The following R3HCC1L variants were observed in gnomAD, a reference collection of about 807,000 sequenced individuals.
R3HCC1L encodes the protein R3H domain and coiled-coil containing 1 like.
R3HCC1L carries 51 observed loss-of-function variants against 59.9 expected under a neutral mutation model. That is an observed-to-expected ratio of 0.85 (90% CI 0.68 to 1.07). R3HCC1L has a LOEUF of 1.07. Ranked by LOEUF, R3HCC1L falls within the 50% of genes least tolerant of loss-of-function variation. The pLI is 0.00. For missense variants in R3HCC1L, 965 were observed against 933.0 expected, an observed-to-expected ratio of 1.03 and a Z score of -0.45; for synonymous variants, 322 against 315.2, an observed-to-expected ratio of 1.02 and a Z score of -0.23.
chr10:98,208,977 G>A lies in R3HCC1L; in HGVS notation c.863G>A (p.Ser288Asn), dbSNP rs2135265315. ...DQTCVDFEVESVGGIANSTGF... is the reference protein window; with the variant it reads ...DQTCVDFEVENVGGIANSTGF... ...ACTTGCGTAGATTTTGAAGTTGAGA[G>A]TGTAGGTGGTATAGCCAATAGTACA... The change falls in exon 5 of 10, where the codon AGT (serine) becomes AAT (asparagine). Residue 288 changes from serine (S) to asparagine (N), a missense_variant. Coordinates refer to ENST00000298999, the MANE Select transcript of R3HCC1L (RefSeq NM_001351015.2). 6.2e-7 allele frequency: 1 copy of A among 1,614,042 alleles called. No homozygotes were observed. The highest frequency in any genetic ancestry group is 1.3e-5 in the African/African-American group (1 of 75,044).
In R3HCC1L at chr10:98,208,347, A is replaced by C. The variant is rs1290988275; in HGVS notation, c.233A>C (p.Lys78Thr). Residue 78 changes from lysine to threonine, a missense_variant, in exon 5 of 10, where the codon AAG (lysine) becomes ACG (threonine). Lys to Thr is a moderately conservative substitution (Grantham distance 78). Coordinates refer to ENST00000298999, the MANE Select transcript of R3HCC1L (RefSeq NM_001351015.2). The part of the protein sequence containing the change: ...ARRLNINPDR[K>T]EHNCREEKKS... ...AGACTAAATATCAATCCTGATAGAA[A>C]GGAGCATAATTGTAGAGAAGAAAAG... 2.5e-6 allele frequency: 4 copies of C among 1,614,096 alleles called. No homozygotes were observed. The highest frequency in any genetic ancestry group is 3.4e-6 in the Non-Finnish European group (4 of 1,180,044).
At chr10:98,176,667 C>T (rs1849054557) in intron 4 of R3HCC1L, among the ~76,000 whole-genome samples, 1 of 152,128 alleles carries the variant, frequency 6.6e-6, no homozygotes, top group Admixed American at 6.6e-5. Flanking sequence ...AGTATTACTT[C>T]TTTCTTCCAA....
In R3HCC1L at chr10:98,209,761, A is replaced by ATC; in HGVS notation, c.1648_1649dup (p.Ser551HisfsTer120). 2 of 1,613,854 alleles carry ATC rather than the reference A, an allele frequency of 1.2e-6. No individual in the cohort carries two copies. Among genetic ancestry groups the ATC allele is most frequent in the Non-Finnish European group, 1.7e-6 (2 of 1,179,786 alleles). On this transcript the variant is annotated frameshift_variant, in exon 5 of 10. Transcript: ENST00000298999. LOFTEE classifies it high-confidence loss of function. ...TTGGTGTATCTTTTCCTGATAGGGAATCATCATCTATGGAAACATCCATCG... is the reference window on the plus strand; with the variant it reads ...TTGGTGTATCTTTTCCTGATAGGGAATCTCATCATCTATGGAAACATCCATCG...
chr10:98,240,422 C>T (rs894795669), intron 9 of R3HCC1L, among the ~76,000 whole-genome samples: 2 of 152,200 alleles, frequency 1.3e-5, no homozygotes, highest in African/African-American at 4.8e-5. Flanking sequence ...ATCGTTACCT[C>T]TCAGAATAAG....
At chr10:98,148,242 G>A (rs1311662454) in intron 1 of R3HCC1L, among the ~76,000 whole-genome samples, 2 of 151,964 alleles carry the variant, frequency 1.3e-5, no homozygotes, top group Non-Finnish European at 1.5e-5. Context: ...GTTGATTTTT[G>A]TGTCCTACAA....
At chr10:98,200,191 G>C (rs979565452) in intron 4 of R3HCC1L, among the ~76,000 whole-genome samples, 7 of 152,134 alleles carry the variant, frequency 4.6e-5, no homozygotes, top group African/African-American at 1.7e-4. Context: ...ATGAAATCCT[G>C]CATTCTTTTG....
At position 98,208,877 on chromosome 10, in the gene R3HCC1L, G is replaced by A. The variant is rs752154396; in HGVS notation, c.763G>A (p.Gly255Arg). The A allele has an allele frequency of 2.9e-5, 46 of 1,614,008 alleles. No individual in the cohort carries two copies. Among genetic ancestry groups the A allele is most frequent in the Admixed American group, 3.3e-5 (2 of 59,986 alleles). ...ACAACAAAGCATGCAAACATCAGAT[G>A]GAATATTGAATCCCAGCAGCGGAGG... is the stretch of plus-strand genomic sequence containing the variant. Reference protein sequence around the residue: ...IVQQSMQTSDGILNPSSGGIT... With the variant: ...IVQQSMQTSDRILNPSSGGIT... Residue 255 changes from glycine (G) to arginine (R), a missense_variant, in exon 5 of 10, where the codon GGA (glycine) becomes AGA (arginine). Gly to Arg is a moderately radical substitution (Grantham distance 125). Coordinates refer to ENST00000298999, the MANE Select transcript of R3HCC1L (RefSeq NM_001351015.2).
intron 6 of R3HCC1L, among the ~76,000 whole-genome samples, chr10:98,233,643 G>T (rs1856618881): frequency 6.6e-6 from 1 of 152,176 alleles, no homozygotes; most frequent in Non-Finnish European, 1.5e-5. Flanking sequence ...GCATTTTTAA[G>T]CTCTTAGCTG....
At chr10:98,232,929 G>A (rs1358529090) in intron 6 of R3HCC1L, among the ~76,000 whole-genome samples, 2 of 152,080 alleles carry the variant, frequency 1.3e-5, no homozygotes, top group Admixed American at 6.5e-5. Context: ...AACTTAATTC[G>A]GTGGGGAGCA....
At chr10:98,152,111 C>G (rs1459535888) in intron 1 of R3HCC1L, among the ~76,000 whole-genome samples, 1 of 152,222 alleles carries the variant, frequency 6.6e-6, no homozygotes, top group Non-Finnish European at 1.5e-5. Flanking sequence ...CGCCGCCACG[C>G]CTGACTGGTT....
intron 5 of R3HCC1L, among the ~76,000 whole-genome samples, chr10:98,225,956 T>C (rs886236206): frequency 6.6e-6 from 1 of 152,068 alleles, no homozygotes; most frequent in Non-Finnish European, 1.5e-5. Flanking sequence ...TCCTCCGGCC[T>C]CAGCACTCCC....
Position 98,200,591 on chromosome 10 carries a change from T to C in R3HCC1L, c.-14-7510T>C, listed in dbSNP as rs552792430. 5.9e-5 allele frequency among the ~76,000 whole-genome samples: 9 copies of C among 152,228 alleles called. No individual in the cohort carries two copies. The South Asian group carries it at 1.7e-3, about 28-fold the overall frequency. Reference sequence around the variant, plus strand: ...CTAAGGCTTAGAGCAATAACTTTTGTAGTATAGAATCTGGCCCATTGAAGA... The same window carrying C: ...CTAAGGCTTAGAGCAATAACTTTTGCAGTATAGAATCTGGCCCATTGAAGA... On this transcript the variant is annotated intron_variant, in intron 4 of 9. Coordinates refer to ENST00000298999, the MANE Select transcript of R3HCC1L (RefSeq NM_001351015.2).
Position 98,175,165 on chromosome 10 carries a change from C to T in R3HCC1L, c.-15+11768C>T, listed in dbSNP as rs116310011. 1.7e-3 allele frequency among the ~76,000 whole-genome samples: 262 copies of T among 152,138 alleles called. 2 individuals are homozygous for T. Among genetic ancestry groups the T allele is most frequent in the African/African-American group, 5.8e-3 (240 of 41,520 alleles). The stretch of plus-strand genomic sequence containing the variant: ...TGGCCTCAAGATTTAAGAAAGAAAC[C>T]GTCAGTCTTACAGATAACTTCATTA... On this transcript the variant is annotated intron_variant, in intron 4 of 9. Transcript: ENST00000298999.
intron 4 of R3HCC1L, among the ~76,000 whole-genome samples, chr10:98,177,873 G>A (rs1371878804): frequency 6.6e-6 from 1 of 151,974 alleles, no homozygotes; most frequent in Non-Finnish European, 1.5e-5. Context: ...CTTTTTGATG[G>A]GGTTGTTTGA....
intron 4 of R3HCC1L, among the ~76,000 whole-genome samples, chr10:98,196,304 G>A (rs985493405): frequency 2.0e-5 from 3 of 151,978 alleles, no homozygotes; most frequent in Non-Finnish European, 4.4e-5. Flanking sequence ...TTGCTTCCTA[G>A]ACTGTTCCAG....
intron 4 of R3HCC1L, among the ~76,000 whole-genome samples, chr10:98,182,577 C>A (rs1849749978): frequency 6.6e-6 from 1 of 152,190 alleles, no homozygotes; most frequent in Admixed American, 6.5e-5. Flanking sequence ...TCAGAGCTGT[C>A]AGACAGGAAC....
intron 4 of R3HCC1L, among the ~76,000 whole-genome samples, chr10:98,206,058 CTT>C (rs1852606422): frequency 6.6e-6 from 1 of 152,046 alleles, no homozygotes. Flanking sequence ...AATCTTGTCT[CTT>C]TTATAGAGCA....
intron 1 of R3HCC1L, among the ~76,000 whole-genome samples, chr10:98,139,288 C>T (rs1844893741): frequency 6.6e-6 from 1 of 152,214 alleles, no homozygotes; most frequent in Non-Finnish European, 1.5e-5. Flanking sequence ...ATAGATTTTT[C>T]ATTAGCTTAT....
At chr10:98,196,540 G>A (rs895445109) in intron 4 of R3HCC1L, among the ~76,000 whole-genome samples, 5 of 152,094 alleles carry the variant, frequency 3.3e-5, no homozygotes, top group Non-Finnish European at 7.4e-5. Context: ...ACTATAAGGC[G>A]TGTGCTACCA....
Sources: gnomAD v4.1 joint callset for allele counts (sites outside exome capture counted in the v4.1 genomes callset) on GRCh38, gnomAD v4.1.1 for gene constraint, MANE v1.5 for transcripts, NCBI Gene and HGNC (gene_info 2026-07-23, HGNC 2026-07-21) for gene names.